The following LCP1 variants were observed in gnomAD, a reference collection of about 807,000 sequenced individuals.
LCP1 encodes the protein lymphocyte cytosolic protein 1.
In LCP1, 23 loss-of-function variants were observed where a neutral mutation model predicts 72.0. The ratio of observed to expected loss-of-function variants is 0.32; its 90% CI spans 0.23 to 0.45. The LOEUF is 0.45. Among genes scored for constraint, LCP1 ranks in the 20% least tolerant of loss-of-function variants. The pLI, the probability that LCP1 is intolerant of heterozygous loss-of-function variation, is 1.00. For synonymous variants in LCP1, 245 were observed against 275.4 expected, an observed-to-expected ratio of 0.89 and a Z score of 1.09; for missense variants, 571 against 748.3, an observed-to-expected ratio of 0.76 and a Z score of 2.76.
rs753013287 is a variant in LCP1, at chr13:46,130,969, A to G, written c.1627-31T>C. 1.4e-5 allele frequency: 21 copies of G among 1,554,952 alleles called. 1 individual carries two copies. The South Asian group carries it at 2.2e-4, about 16-fold the overall frequency. Reference sequence around the variant, plus strand: ...CAGAGACACAGGGAGGGTTTCATCAACGTGTCCCAAAGTTACTCCCATTCA... The same window carrying G: ...CAGAGACACAGGGAGGGTTTCATCAGCGTGTCCCAAAGTTACTCCCATTCA... On this transcript the variant is annotated intron_variant, in intron 14 of 15. Coordinates refer to ENST00000323076, the MANE Select transcript of LCP1 (RefSeq NM_002298.5).
At chr13:46,181,708 C>T (rs2045956655) in intron 1 of LCP1, among the ~76,000 whole-genome samples, 1 of 152,102 alleles carries the variant, frequency 6.6e-6, no homozygotes, top group African/African-American at 2.4e-5. Flanking sequence ...CCCATTGGGC[C>T]AATAAGCCAT....
rs555583412 is a variant in LCP1 at position 46,126,965 on chromosome 13, C to A, written c.*626G>T. 7.8e-5 allele frequency: 18 copies of A among 231,002 alleles called. No homozygotes were observed. Among genetic ancestry groups the A allele is most frequent in the Middle Eastern group, 1.3e-3 (1 of 778 alleles). The allele number at this position is 231,002 out of a possible 1,614,324, so 14.3% of individuals were successfully genotyped here. A position where few individuals can be genotyped will look rare whatever the true frequency, so the allele number is the denominator to read the frequency against. ...TGATGATGAGGCTTACTTCTGCAGG[C>A]TACCAGAGACTCCTGAGACTTCAAC... On this transcript the variant is annotated 3_prime_UTR_variant, in exon 16 of 16. Transcript: ENST00000323076.
chr13:46,138,202 A>G (rs2045676182), intron 13 of LCP1, among the ~76,000 whole-genome samples: 1 of 151,898 alleles, frequency 6.6e-6, no homozygotes, highest in Admixed American at 6.6e-5. Flanking sequence ...TTAAGTACAT[A>G]TCTCTCATTT....
intron 1 of LCP1, among the ~76,000 whole-genome samples, chr13:46,174,312 TA>T (rs763693784): frequency 1.3e-5 from 2 of 152,232 alleles, no homozygotes; most frequent in Admixed American, 6.5e-5. Flanking sequence ...TCATTTTTTT[TA>T]AAAGTTACAG....
At chr13:46,171,814 T>C (rs9567631) in intron 1 of LCP1, among the ~76,000 whole-genome samples, 27,662 of 152,274 alleles carry the variant, frequency 0.18, 2,714 homozygotes, top group East Asian at 0.33. Context: ...GTTTCAATGG[T>C]GTGCGTCCAA....
chr13:46,179,788 G>A (rs2138292730), intron 1 of LCP1, among the ~76,000 whole-genome samples: 1 of 152,140 alleles, frequency 6.6e-6, no homozygotes, highest in Non-Finnish European at 1.5e-5. Flanking sequence ...TGAACAGAAG[G>A]AAGTGACAAG....
intron 13 of LCP1, among the ~76,000 whole-genome samples, chr13:46,138,187 G>T (rs1260432818): frequency 4.6e-5 from 7 of 152,174 alleles, no homozygotes; most frequent in Admixed American, 4.6e-4. Flanking sequence ...AGGGGATAGG[G>T]AAGTTTAAGT....
At chr13:46,156,356 G>C in intron 5 of LCP1, 82 bp downstream of exon 5, 5 of 1,530,666 alleles carry the variant, frequency 3.3e-6, no homozygotes, top group Non-Finnish European at 3.6e-6. Flanking sequence ...AAACAAAGTT[G>C]GCCTACGATA....
rs1412995838 is a variant in LCP1, at chr13:46,159,653, C to T, written c.10G>A (p.Gly4Arg). ...ATCATTTCCTCATCGGACACTGATC[C>T]TCTGGCCATTTTTTATTGCTTTAGG... MAR[G>R]SVSDEEMMEL... Residue 4 changes from glycine (G) to arginine (R), a missense_variant, in exon 2 of 16, where the codon GGA becomes AGA. Gly to Arg is a moderately radical substitution (Grantham distance 125). Coordinates refer to ENST00000323076, the MANE Select transcript of LCP1 (RefSeq NM_002298.5). The T allele has an allele frequency of 8.1e-6, 13 of 1,613,836 alleles. No homozygotes were observed. The highest frequency in any genetic ancestry group is 1.1e-5 in the Non-Finnish European group (13 of 1,179,902).
intron 7 of LCP1, 124 bp downstream of exon 7, chr13:46,152,656 A>G (rs1305443190): frequency 5.3e-6 from 5 of 941,122 alleles, no homozygotes; most frequent in South Asian, 1.8e-5. Context: ...CATGAATACC[A>G]TGGAATCAAT....
At chr13:46,129,810 AC>A (rs2045622839) in intron 15 of LCP1, among the ~76,000 whole-genome samples, 1 of 152,094 alleles carries the variant, frequency 6.6e-6, no homozygotes, top group Non-Finnish European at 1.5e-5. Context: ...TCAGAGTATG[AC>A]CCTAGTTGGA....
chr13:46,180,208 C>G (rs1433941470), intron 1 of LCP1, among the ~76,000 whole-genome samples: 1 of 152,266 alleles, frequency 6.6e-6, no homozygotes, highest in Admixed American at 6.5e-5. Context: ...CCGGTTCCTT[C>G]AATTATCTAG....
At chr13:46,153,859 G>A (rs554071074) in intron 6 of LCP1, among the ~76,000 whole-genome samples, 1 of 152,274 alleles carries the variant, frequency 6.6e-6, no homozygotes, top group East Asian at 1.9e-4. Flanking sequence ...GTTCTTATGA[G>A]TAACAACAAT....
chr13:46,167,298 C>T (rs1255347041), intron 1 of LCP1, among the ~76,000 whole-genome samples: 2 of 152,182 alleles, frequency 1.3e-5, no homozygotes, highest in Non-Finnish European at 2.9e-5. Flanking sequence ...GACCACTACA[C>T]CGAGGGGCTT....
chr13:46,132,013 T>C (rs1357641364), intron 14 of LCP1, among the ~76,000 whole-genome samples: 1 of 152,106 alleles, frequency 6.6e-6, no homozygotes, highest in African/African-American at 2.4e-5. Flanking sequence ...TTTTTTTTTT[T>C]TTTTAAAGAG....
At chr13:46,145,182 T>C (rs1272628522) in intron 10 of LCP1, among the ~76,000 whole-genome samples, 1 of 152,226 alleles carries the variant, frequency 6.6e-6, no homozygotes, top group Non-Finnish European at 1.5e-5. Context: ...TAGCAGATTT[T>C]AGTTGACAGA....
intron 1 of LCP1, among the ~76,000 whole-genome samples, chr13:46,165,920 G>A (rs79183186): frequency 0.015 from 2,326 of 151,986 alleles, 62 homozygotes; most frequent in African/African-American, 0.053. Context: ...AAAAAGCATT[G>A]GTTGTTCATT....
intron 13 of LCP1, among the ~76,000 whole-genome samples, chr13:46,140,231 G>A (rs1355432284): frequency 6.6e-6 from 1 of 152,160 alleles, no homozygotes; most frequent in Admixed American, 6.5e-5. Context: ...CCTTCAGAGG[G>A]TTTCCCTCAG....
intron 14 of LCP1, among the ~76,000 whole-genome samples, chr13:46,133,737 GGGAGGGAGGGA>G (rs1234539502): frequency 2.0e-5 from 3 of 151,734 alleles, no homozygotes; most frequent in Non-Finnish European, 4.4e-5. Flanking sequence ...TAGGTGAATG[GGGAGGGAGGGA>G]GGAGGACAAG....
Sources: gnomAD v4.1 joint callset for allele counts (sites outside exome capture counted in the v4.1 genomes callset) on GRCh38, gnomAD v4.1.1 for gene constraint, MANE v1.5 for transcripts, NCBI Gene and HGNC (gene_info 2026-07-23, HGNC 2026-07-21) for gene names.